GPD2: variants seen among roughly 807,000 people sequenced by gnomAD.
GPD2 encodes glycerol-3-phosphate dehydrogenase, mitochondrial.
In GPD2, 54 loss-of-function variants were observed where a neutral mutation model predicts 82.4. That is an observed-to-expected ratio of 0.66 (90% CI 0.53 to 0.82). The LOEUF is 0.82. GPD2 is among the 40% of genes least tolerant of loss of function. The pLI, the probability that GPD2 is intolerant of heterozygous loss-of-function variation, is 0.00. For synonymous variants in GPD2, 288 were observed against 306.1 expected (o/e 0.94, Z 0.62); for missense variants, 748 against 896.2 (o/e 0.83, Z 2.11).
At chr2:156,457,519 G>A (rs572247882) in intron 1 of GPD2, among the ~76,000 whole-genome samples, 63 of 152,344 alleles carry the variant, frequency 4.1e-4, no homozygotes, top group Non-Finnish European at 7.2e-4. Flanking sequence ...AGAACACTCT[G>A]AAATAAGAGT....
chr2:156,561,254 G>T (rs1433428076), intron 9 of GPD2, among the ~76,000 whole-genome samples: 1 of 151,740 alleles, frequency 6.6e-6, no homozygotes, highest in Non-Finnish European at 1.5e-5. Flanking sequence ...CACCATGTTG[G>T]TCAGGCTGGT....
intron 1 of GPD2, among the ~76,000 whole-genome samples, chr2:156,458,612 G>A (rs1370656157): frequency 6.6e-6 from 1 of 152,154 alleles, no homozygotes; most frequent in Non-Finnish European, 1.5e-5. Flanking sequence ...TAAAGGCAAA[G>A]TATTCTTTTT....
chr2:156,492,381 G>C (rs1176968394), intron 2 of GPD2, among the ~76,000 whole-genome samples: 2 of 151,038 alleles, frequency 1.3e-5, no homozygotes, highest in Admixed American at 6.6e-5. Context: ...TTGAACTCCT[G>C]ACCTCAGGTG....
chr2:156,562,823 A>G (rs1224146963), intron 9 of GPD2, among the ~76,000 whole-genome samples: 2 of 152,206 alleles, frequency 1.3e-5, no homozygotes, highest in Non-Finnish European at 2.9e-5. Context: ...TACATATTAC[A>G]TTACTAAAAT....
At chr2:156,459,695 A>AAAAAAAAAAAAAAAG in intron 1 of GPD2, among the ~76,000 whole-genome samples, 1 of 140,766 alleles carries the variant, frequency 7.1e-6, no homozygotes, top group African/African-American at 2.7e-5. Flanking sequence ...TCAAAAAAAA[A>AAAAAAAAAAAAAAAG]AAAAAAAAAA....
chr2:156,510,718 A>G (rs1684963463), intron 3 of GPD2, 78 bp from the exon 4 acceptor site: 2 of 1,172,402 alleles, frequency 1.7e-6, no homozygotes, highest in Admixed American at 3.4e-5. Flanking sequence ...GATTGTCTCT[A>G]CCCTGGAGAA....
chr2:156,578,064 G>A (rs374410388), intron 13 of GPD2, among the ~76,000 whole-genome samples: 1 of 152,082 alleles, frequency 6.6e-6, no homozygotes, highest in East Asian at 1.9e-4. Context: ...AGAGATTTGT[G>A]AACAATATAT....
chr2:156,417,130 C>G, the GPD2 span, among the ~76,000 whole-genome samples: 1 of 152,168 alleles, frequency 6.6e-6, no homozygotes, highest in Non-Finnish European at 1.5e-5. Flanking sequence ...TTAAACTAAA[C>G]TGAACTACAG....
intron 1 of GPD2, among the ~76,000 whole-genome samples, chr2:156,463,090 C>A (rs776759072): frequency 1.3e-5 from 2 of 152,160 alleles, no homozygotes; most frequent in Non-Finnish European, 2.9e-5. Flanking sequence ...AGACTGGGAC[C>A]TGAGACCACT....
intron 13 of GPD2, among the ~76,000 whole-genome samples, chr2:156,575,456 G>A (rs1177784685): frequency 7.0e-6 from 1 of 143,650 alleles, no homozygotes; most frequent in South Asian, 2.2e-4. Context: ...AGGCTGGAGT[G>A]CAGTGATGTG....
At chr2:156,452,147 T>C (rs368153641) in intron 1 of GPD2, among the ~76,000 whole-genome samples, 1 of 142,616 alleles carries the variant, frequency 7.0e-6, no homozygotes, top group African/African-American at 2.6e-5. Flanking sequence ...CTTCCCAGAC[T>C]GGGTGGCGGC....
the GPD2 span, among the ~76,000 whole-genome samples, chr2:156,415,708 A>G: frequency 6.6e-6 from 1 of 152,036 alleles, no homozygotes; most frequent in Non-Finnish European, 1.5e-5. Context: ...ATACAAAATT[A>G]GCCGGGTGTG....
Position 156,583,013 on chromosome 2 carries a change from T to G in GPD2, c.*95T>G. The G allele has an allele frequency of 2.3e-6, 3 of 1,331,978 alleles. No individual in the cohort carries two copies. Among genetic ancestry groups the G allele is most frequent in the Non-Finnish European group, 3.2e-6 (3 of 931,842 alleles). The allele number at this position is 1,331,978 out of a possible 1,614,324, so 82.5% of individuals were successfully genotyped here. ...TGAAACCACTCTGAAATAATGAATGTGGATAGCTGCCTTTTTTAACACTAG... is the reference window on the plus strand; with the variant it reads ...TGAAACCACTCTGAAATAATGAATGGGGATAGCTGCCTTTTTTAACACTAG... On this transcript the variant is annotated 3_prime_UTR_variant, in exon 17 of 17. Transcript: ENST00000438166.
At chr2:156,507,908 T>C (rs192002142) in intron 3 of GPD2, among the ~76,000 whole-genome samples, 2 of 152,270 alleles carry the variant, frequency 1.3e-5, no homozygotes, top group East Asian at 3.9e-4. Flanking sequence ...CTGGGCTTTG[T>C]CGATGATCTT....
At chr2:156,510,399 C>T (rs995879263) in intron 3 of GPD2, among the ~76,000 whole-genome samples, 2 of 152,230 alleles carry the variant, frequency 1.3e-5, no homozygotes, top group East Asian at 1.9e-4. Context: ...TGAGGGGCTG[C>T]GACAGGTCTG....
chr2:156,508,986 C>A (rs544285952), intron 3 of GPD2, among the ~76,000 whole-genome samples: 1 of 152,168 alleles, frequency 6.6e-6, no homozygotes, highest in East Asian at 1.9e-4. Flanking sequence ...TAGTTCATGC[C>A]TAATTCACTT....
intron 9 of GPD2, 41 bp from the exon 10 acceptor site, chr2:156,568,784 T>G: frequency 6.3e-7 from 1 of 1,577,422 alleles, no homozygotes; most frequent in South Asian, 1.1e-5. Flanking sequence ...TCAAAATATT[T>G]TTGAGCAATG....
At chr2:156,544,655 G>A (rs140555481) in intron 6 of GPD2, among the ~76,000 whole-genome samples, 1,591 of 152,170 alleles carry the variant, frequency 0.01, 8 homozygotes, top group Non-Finnish European at 0.012. Context: ...AATGGGAAAA[G>A]GTTGAAGTGA....
intron 5 of GPD2, among the ~76,000 whole-genome samples, 181 bp from the exon 6 acceptor site, chr2:156,513,152 A>G (rs182617492): frequency 6.6e-6 from 1 of 152,140 alleles, no homozygotes; most frequent in Non-Finnish European, 1.5e-5. Flanking sequence ...TCATTGATTT[A>G]TTTTACTTAT....
Sources: gnomAD v4.1 joint callset for allele counts (sites outside exome capture counted in the v4.1 genomes callset) on GRCh38, gnomAD v4.1.1 for gene constraint, MANE v1.5 for transcripts, NCBI Gene and HGNC (gene_info 2026-07-23, HGNC 2026-07-21) for gene names.